ZBTB20: variants seen among roughly 807,000 people sequenced by gnomAD.
ZBTB20 encodes zinc finger and BTB domain-containing protein 20.
A neutral mutation model predicts 56.9 loss-of-function variants in ZBTB20; 9 were observed. The ratio of observed to expected loss-of-function variants is 0.16; its 90% CI spans 0.10 to 0.28. The LOEUF (loss-of-function observed/expected upper bound fraction) is 0.28, where lower values mean the gene tolerates loss of function less well. Among genes scored for constraint, ZBTB20 ranks in the 10% least tolerant of loss-of-function variants. ZBTB20 has a pLI of 1.00. For missense variants in ZBTB20, 655 were observed against 1,003.0 expected (o/e 0.65, Z 4.69); for synonymous variants, 417 against 420.7 (o/e 0.99, Z 0.11).
At chr3:115,109,771 A>T (rs561456215) in intron 1 of ZBTB20, among the ~76,000 whole-genome samples, 3 of 152,332 alleles carry the variant, frequency 2.0e-5, no homozygotes, top group East Asian at 3.9e-4. Flanking sequence ...TTCAGAACTT[A>T]AAATTTTATA....
intron 4 of ZBTB20, among the ~76,000 whole-genome samples, chr3:114,844,211 A>T (rs1275181701): frequency 6.6e-6 from 1 of 151,478 alleles, no homozygotes; most frequent in Non-Finnish European, 1.5e-5. Context: ...GGACAAAACA[A>T]GTACAGAAGA....
chr3:114,788,783 A>T (rs944165322), intron 5 of ZBTB20, among the ~76,000 whole-genome samples: 43 of 152,206 alleles, frequency 2.8e-4, no homozygotes, highest in Admixed American at 2.8e-3. Context: ...AATTATTTAA[A>T]AAAGAGGTTT....
rs145930495 is a variant in ZBTB20, at chr3:114,364,335, G to C, written c.200-12457C>G. 8.2e-3 allele frequency among the ~76,000 whole-genome samples: 1,247 copies of C among 152,152 alleles called. 6 individuals are homozygous for C. Among genetic ancestry groups the C allele is most frequent in the Middle Eastern group, 0.014 (4 of 294 alleles). On this transcript the variant is annotated intron_variant, in intron 10 of 11. Coordinates refer to ENST00000675478, the MANE Select transcript of ZBTB20 (RefSeq NM_001348800.3). ...GCATGGTGGCGCATGCCTATAATTC[G>C]AGCTACTCAGGAGGCTAAGGCAGGA...
At chr3:114,371,759 T>G (rs971857931) in intron 10 of ZBTB20, among the ~76,000 whole-genome samples, 4 of 152,192 alleles carry the variant, frequency 2.6e-5, no homozygotes, top group African/African-American at 9.7e-5. Flanking sequence ...TGGGAAACTT[T>G]CGTTATAACA....
chr3:114,740,316 T>C (rs906877766), intron 5 of ZBTB20, among the ~76,000 whole-genome samples: 1 of 152,188 alleles, frequency 6.6e-6, no homozygotes, highest in African/African-American at 2.4e-5. Flanking sequence ...TAGAAACTAT[T>C]AGCATAGGTA....
At chr3:114,340,092 C>A (rs2079645838) in intron 11 of ZBTB20, among the ~76,000 whole-genome samples, 1 of 152,070 alleles carries the variant, frequency 6.6e-6, no homozygotes, top group African/African-American at 2.4e-5. Context: ...TCTCTATTGA[C>A]TGTAGTGAGC....
chr3:114,676,102 T>C (rs1413776372), intron 6 of ZBTB20, among the ~76,000 whole-genome samples: 2 of 152,174 alleles, frequency 1.3e-5, no homozygotes, highest in African/African-American at 4.8e-5. Flanking sequence ...CCAGACTCTG[T>C]TACAGGATGA....
chr3:114,549,372 G>GT (rs2050277862), intron 6 of ZBTB20, among the ~76,000 whole-genome samples: 1 of 151,980 alleles, frequency 6.6e-6, no homozygotes, highest in Non-Finnish European at 1.5e-5. Flanking sequence ...TCAGCCCTAT[G>GT]TTTCTATGTT....
chr3:114,621,127 T>TTA (rs1553769375), intron 6 of ZBTB20, among the ~76,000 whole-genome samples: 1 of 152,180 alleles, frequency 6.6e-6, no homozygotes, highest in Non-Finnish European at 1.5e-5. Context: ...TTTTAAACTT[T>TTA]TATATATATA....
rs371259219 is a variant in ZBTB20 at position 114,844,917 on chromosome 3, T to C, written c.-416-43743A>G. On this transcript the variant is annotated intron_variant, in intron 4 of 11. Coordinates refer to ENST00000675478, the MANE Select transcript of ZBTB20 (RefSeq NM_001348800.3). ...CAAATCTTTGCCCATTTAAATAATA[T>C]GTTGTATATTATTGAGTTTTCGAAG... Among the ~76,000 whole-genome samples, 9 of 150,400 alleles carry C rather than the reference T, an allele frequency of 6.0e-5. 1 individual carries two copies. Among genetic ancestry groups the C allele is most frequent in the Middle Eastern group, 6.8e-3 (2 of 294 alleles).
chr3:115,108,884 G>A (rs961867129), intron 1 of ZBTB20, among the ~76,000 whole-genome samples: 22 of 152,098 alleles, frequency 1.4e-4, no homozygotes, highest in African/African-American at 5.3e-4. Context: ...TGACCATGGG[G>A]AAAAGTGGCA....
chr3:115,008,278 T>A (rs2079557884), intron 2 of ZBTB20, among the ~76,000 whole-genome samples: 1 of 151,922 alleles, frequency 6.6e-6, no homozygotes. Context: ...CCGTCTCTTT[T>A]AATGGCACTG....
intron 5 of ZBTB20, among the ~76,000 whole-genome samples, chr3:114,705,635 A>AT (rs1341722481): frequency 6.6e-6 from 1 of 152,296 alleles, no homozygotes; most frequent in Non-Finnish European, 1.5e-5. Flanking sequence ...AAAATTTGGT[A>AT]TTTTTTTCCC....
At chr3:115,131,659 T>A (rs2084509972) in intron 1 of ZBTB20, among the ~76,000 whole-genome samples, 1 of 152,236 alleles carries the variant, frequency 6.6e-6, no homozygotes, top group African/African-American at 2.4e-5. Context: ...TTAAAGTATT[T>A]GCAAATCATA....
intron 4 of ZBTB20, among the ~76,000 whole-genome samples, chr3:114,887,728 T>C (rs187110150): frequency 6.6e-6 from 1 of 152,326 alleles, no homozygotes; most frequent in Admixed American, 6.5e-5. Context: ...AATAAATTTC[T>C]GTCGTTTTTA....
At chr3:114,896,349 A>G (rs1365128258) in intron 4 of ZBTB20, among the ~76,000 whole-genome samples, 1 of 152,150 alleles carries the variant, frequency 6.6e-6, no homozygotes, top group Non-Finnish European at 1.5e-5. Context: ...AAGCAATCCA[A>G]GTGTCCACTG....
chr3:114,963,966 C>G (rs967881308), intron 3 of ZBTB20, among the ~76,000 whole-genome samples: 1 of 152,132 alleles, frequency 6.6e-6, no homozygotes, highest in Non-Finnish European at 1.5e-5. Context: ...ATTATGTATA[C>G]AACTGACCAT....
chr3:114,969,417 G>A (rs894051832), intron 3 of ZBTB20, among the ~76,000 whole-genome samples: 1 of 152,024 alleles, frequency 6.6e-6, no homozygotes, highest in African/African-American at 2.4e-5. Flanking sequence ...GCTTCCAAAA[G>A]TACACAATTA....
chr3:114,702,414 T>TTG (rs148167646), intron 5 of ZBTB20, among the ~76,000 whole-genome samples: 13 of 151,940 alleles, frequency 8.6e-5, no homozygotes, highest in African/African-American at 2.7e-4. Context: ...ATGTGTGTGT[T>TTG]TGTGTGTGTG....
Sources: gnomAD v4.1 joint callset for allele counts (sites outside exome capture counted in the v4.1 genomes callset) on GRCh38, gnomAD v4.1.1 for gene constraint, MANE v1.5 for transcripts, NCBI Gene and HGNC (gene_info 2026-07-23, HGNC 2026-07-21) for gene names.